Variants in PPP1R13B observed in about 807,000 individuals in gnomAD.
PPP1R13B encodes the protein apoptosis-stimulating of p53 protein 1.
In PPP1R13B, 44 loss-of-function variants were observed where a neutral mutation model predicts 119.8. The observed-to-expected ratio is 0.37, with a 90% CI of 0.29 to 0.47. PPP1R13B has a LOEUF of 0.47. Ranked by LOEUF, PPP1R13B falls within the 20% of genes least tolerant of loss-of-function variation. The probability of loss-of-function intolerance (pLI) is 0.99; values close to 1 mark genes in which losing one functional copy is unlikely to be tolerated. For synonymous variants in PPP1R13B, 542 were observed against 561.5 expected, an observed-to-expected ratio of 0.97 and a Z score of 0.49; for missense variants, 1,227 against 1,413.5, an observed-to-expected ratio of 0.87 and a Z score of 2.12.
At chr14:103,749,597 G>A (rs767894563) in intron 8 of PPP1R13B, among the ~76,000 whole-genome samples, 197 bp downstream of exon 8, 2 of 152,196 alleles carry the variant, frequency 1.3e-5, no homozygotes, top group Admixed American at 6.5e-5. Context: ...GGCTGAGGAT[G>A]GTTCTGCCTC....
intron 1 of PPP1R13B, among the ~76,000 whole-genome samples, chr14:103,807,138 C>G (rs2086035353): frequency 6.6e-6 from 1 of 152,222 alleles, no homozygotes; most frequent in Admixed American, 6.5e-5. Flanking sequence ...GCCTCAGGGG[C>G]TTTGCACTTG....
chr14:103,837,224 T>C (rs1176651696), intron 1 of PPP1R13B, among the ~76,000 whole-genome samples: 1 of 152,232 alleles, frequency 6.6e-6, no homozygotes, highest in African/African-American at 2.4e-5. Flanking sequence ...GTGTGGGTGC[T>C]GCAGATGCCC....
Position 103,738,892 on chromosome 14 carries a change from G to A in PPP1R13B, c.2724C>T (p.Ile908=). 3 of 1,613,866 alleles carry A rather than the reference G, an allele frequency of 1.9e-6. No individual in the cohort carries two copies. The highest frequency in any genetic ancestry group is 2.5e-6 in the Non-Finnish European group (3 of 1,179,856). The stretch of plus-strand genomic sequence containing the variant: ...GTCCCCGGCTGCAGCTCACCTCATA[G>A]ATGATCCTCTGCACCAGATCGAACT... ...EGEFDLVQRI[I]YEVEDPSKPN... is the part of the protein sequence containing the mutation. Residue 908 remains isoleucine, a synonymous_variant, in exon 13 of 17, where the codon ATC becomes ATT. Transcript: ENST00000202556. This position sits in a 1 kb window ranked among gnomAD's most constrained non-coding sequence, Gnocchi z 5.6.
At chr14:103,814,588 G>A (rs996644644) in intron 1 of PPP1R13B, among the ~76,000 whole-genome samples, 1 of 152,144 alleles carries the variant, frequency 6.6e-6, no homozygotes, top group Admixed American at 6.5e-5. Context: ...AGGATCACTT[G>A]AGGGTAGGAG....
chr14:103,822,686 G>A (rs763401732), intron 1 of PPP1R13B, among the ~76,000 whole-genome samples: 12 of 151,962 alleles, frequency 7.9e-5, no homozygotes, highest in African/African-American at 1.2e-4. Flanking sequence ...GGTGGCGCAC[G>A]CCTGTAATCC....
chr14:103,783,723 G>C (rs2085388682), intron 3 of PPP1R13B, among the ~76,000 whole-genome samples: 1 of 151,568 alleles, frequency 6.6e-6, no homozygotes, highest in Non-Finnish European at 1.5e-5. Flanking sequence ...CAGCTATTTA[G>C]TATTTTCTGT....
At chr14:103,822,221 G>A (rs1274514680) in intron 1 of PPP1R13B, among the ~76,000 whole-genome samples, 1 of 151,644 alleles carries the variant, frequency 6.6e-6, no homozygotes, top group Admixed American at 6.6e-5. Flanking sequence ...TGCAACCTCC[G>A]CCTCCTGGAT....
At chr14:103,830,026 C>G (rs1355910241) in intron 1 of PPP1R13B, among the ~76,000 whole-genome samples, 1 of 152,174 alleles carries the variant, frequency 6.6e-6, no homozygotes, top group Non-Finnish European at 1.5e-5. Flanking sequence ...ATCCACCCAC[C>G]TTGGCCTCCC....
In PPP1R13B at chr14:103,741,870, G is replaced by T. The variant is rs764191570; in HGVS notation, c.1742C>A (p.Ser581Tyr). 5.7e-5 allele frequency: 92 copies of T among 1,614,106 alleles called. No individual in the cohort carries two copies. The highest frequency in any genetic ancestry group is 7.2e-5 in the Non-Finnish European group (85 of 1,180,056). The change falls in exon 11 of 17, where the codon TCC becomes TAC. Residue 581 changes from serine (S) to tyrosine (Y), a missense_variant. By Grantham distance (144) the Ser-to-Tyr change is moderately radical. Transcript: ENST00000202556. The stretch of plus-strand genomic sequence containing the variant: ...TGGTGTGGCTTGCTGGAGGTACATG[G>T]AGTATATGGAACTTGAATTCACTGT... ...PQTVNSSSIY[S>Y]MYLQQATPPK...
At chr14:103,848,209 T>C (rs1203305994), upstream of PPP1R13B, 2 of 979,598 alleles carry the variant, frequency 2.0e-6, no homozygotes, top group African/African-American at 1.8e-5. Flanking sequence ...TCCCGAGCCT[T>C]GGCCTTCGCC....
At chr14:103,831,971 TG>T (rs1159159971) in intron 1 of PPP1R13B, among the ~76,000 whole-genome samples, 1 of 151,928 alleles carries the variant, frequency 6.6e-6, no homozygotes, top group African/African-American at 2.4e-5. Flanking sequence ...CCAGGGATGG[TG>T]GTGTGCACCT....
At chr14:103,765,563 G>A (rs573262318) in intron 4 of PPP1R13B, among the ~76,000 whole-genome samples, 7 of 152,210 alleles carry the variant, frequency 4.6e-5, no homozygotes, top group South Asian at 4.2e-4. Context: ...CTAAATAAAG[G>A]CTGCTGCTCG....
intron 1 of PPP1R13B, among the ~76,000 whole-genome samples, chr14:103,801,152 C>T (rs1299061993): frequency 6.6e-6 from 1 of 152,082 alleles, no homozygotes; most frequent in African/African-American, 2.4e-5. Context: ...GTCTGGCCTA[C>T]CATTTCATTT....
In PPP1R13B at chr14:103,753,131, A is replaced by C; in HGVS notation, c.697T>G (p.Leu233Val). 6.2e-7 allele frequency: 1 copy of C among 1,613,744 alleles called. No homozygotes were observed. Residue 233 changes from leucine to valine, a missense_variant, in exon 7 of 17, where the codon TTA becomes GTA. Transcript: ENST00000202556. ...EKKQEVQTAI[L>V]RVDQLSQQLE... Reference sequence around the variant, plus strand: ...TGCTGACTAAGCTGATCAACCCTTAAAATTGCAGTCTGTACTTCCTGCTTC... The same window carrying C: ...TGCTGACTAAGCTGATCAACCCTTACAATTGCAGTCTGTACTTCCTGCTTC...
At chr14:103,827,662 A>C (rs1374941836) in intron 1 of PPP1R13B, among the ~76,000 whole-genome samples, 1 of 149,024 alleles carries the variant, frequency 6.7e-6, no homozygotes, top group Non-Finnish European at 1.5e-5. Flanking sequence ...AATACTATAG[A>C]TATATAAATA....
intron 1 of PPP1R13B, among the ~76,000 whole-genome samples, chr14:103,826,271 G>A (rs930397855): frequency 2.0e-5 from 3 of 152,064 alleles, no homozygotes; most frequent in African/African-American, 4.8e-5. Context: ...AACCAAACTC[G>A]CAATATCTTC....
At chr14:103,799,984 T>C (rs975305598) in intron 1 of PPP1R13B, among the ~76,000 whole-genome samples, 16 of 151,316 alleles carry the variant, frequency 1.1e-4, no homozygotes, top group African/African-American at 3.9e-4. Flanking sequence ...CCGGGAGGCA[T>C]GAGGTTGCAG....
intron 1 of PPP1R13B, among the ~76,000 whole-genome samples, chr14:103,828,821 T>G (rs1182893829): frequency 6.6e-6 from 1 of 152,214 alleles, no homozygotes; most frequent in African/African-American, 2.4e-5. Context: ...AGGAGCTGCT[T>G]TCTTCTGTGC....
At chr14:103,807,586 C>T (rs369438331) in intron 1 of PPP1R13B, among the ~76,000 whole-genome samples, 29 of 152,238 alleles carry the variant, frequency 1.9e-4, no homozygotes, top group African/African-American at 5.3e-4. Flanking sequence ...GCTCTGCCTT[C>T]CGGGTTCACG....
Sources: allele counts gnomAD v4.1 joint callset (sites outside exome capture counted in the v4.1 genomes callset), GRCh38; gene constraint gnomAD v4.1.1; non-coding constraint Gnocchi (gnomAD v3.1); transcripts MANE v1.5; gene names NCBI Gene and HGNC (gene_info 2026-07-23, HGNC 2026-07-21).